Variants in ST7 observed in about 807,000 individuals in gnomAD.
The protein encoded by ST7 is suppressor of tumorigenicity 7 protein.
ST7 carries 28 observed loss-of-function variants against 78.7 expected under a neutral mutation model. That is an observed-to-expected ratio of 0.36 (90% confidence interval 0.26 to 0.49). ST7 has a LOEUF of 0.49. Ranked by LOEUF, ST7 falls within the 20% of genes least tolerant of loss-of-function variation. ST7 has a pLI of 0.99. For missense variants in ST7, 418 were observed against 696.0 expected (o/e 0.60, Z 4.49); for synonymous variants, 247 against 249.6 (o/e 0.99, Z 0.10).
At chr7:117,107,235 A>T (rs556888500) in intron 2 of ST7, among the ~76,000 whole-genome samples, 2 of 152,300 alleles carry the variant, frequency 1.3e-5, no homozygotes, top group South Asian at 4.1e-4. Context: ...ACATGCGTGT[A>T]CAAGTATCTT....
chr7:116,980,321 C>A (rs1383158213), intron 1 of ST7, among the ~76,000 whole-genome samples: 1 of 152,164 alleles, frequency 6.6e-6, no homozygotes, highest in Non-Finnish European at 1.5e-5. Flanking sequence ...GATGAGTCAT[C>A]TGCAAGTTAG....
chr7:117,205,714 C>T (rs1245692620), intron 12 of ST7, among the ~76,000 whole-genome samples: 1 of 152,212 alleles, frequency 6.6e-6, no homozygotes, highest in Non-Finnish European at 1.5e-5. Flanking sequence ...TGCTTCTCTT[C>T]ATATGCCCTG....
At chr7:116,988,391 A>G (rs577074024) in intron 1 of ST7, among the ~76,000 whole-genome samples, 214 of 152,272 alleles carry the variant, frequency 1.4e-3, no homozygotes, top group Non-Finnish European at 2.6e-3. Context: ...GCTTTCTTTC[A>G]TTAAACTGGT....
chr7:117,099,167 T>A (rs1343463123), intron 1 of ST7, among the ~76,000 whole-genome samples: 1 of 151,684 alleles, frequency 6.6e-6, no homozygotes, highest in Non-Finnish European at 1.5e-5. Flanking sequence ...CGATGACCAG[T>A]TTAAAAACCT....
chr7:117,201,998 A>T (rs1453768377), intron 12 of ST7, among the ~76,000 whole-genome samples: 6 of 73,170 alleles, frequency 8.2e-5, no homozygotes, highest in Non-Finnish European at 1.4e-4. Flanking sequence ...TCTCGCTCTG[A>T]CGCCCAGGCT....
intron 1 of ST7, among the ~76,000 whole-genome samples, chr7:117,019,060 T>C (rs534504228): frequency 2.6e-5 from 4 of 152,208 alleles, no homozygotes; most frequent in Non-Finnish European, 4.4e-5. Flanking sequence ...GGTTCCACTT[T>C]CATAGCAGAA....
chr7:117,147,239 A>C (rs1265960798), intron 9 of ST7, among the ~76,000 whole-genome samples: 1 of 152,026 alleles, frequency 6.6e-6, no homozygotes, highest in Non-Finnish European at 1.5e-5. Flanking sequence ...TAGTGAAGGA[A>C]CTCCAGGTTT....
chr7:117,179,554 G>A (rs997481260), intron 10 of ST7, among the ~76,000 whole-genome samples: 2 of 152,226 alleles, frequency 1.3e-5, no homozygotes, highest in African/African-American at 4.8e-5. Context: ...GGACAGCAAA[G>A]GTGCTTGAGG....
intron 1 of ST7, among the ~76,000 whole-genome samples, chr7:116,992,757 T>C (rs1227718843): frequency 6.6e-6 from 1 of 152,186 alleles, no homozygotes; most frequent in Non-Finnish European, 1.5e-5. Flanking sequence ...AGGTTGCAAA[T>C]TTTCTGAAGT....
At chr7:116,986,676 G>A (rs997088302) in intron 1 of ST7, among the ~76,000 whole-genome samples, 2 of 152,112 alleles carry the variant, frequency 1.3e-5, no homozygotes. Flanking sequence ...AGGTTTTGGC[G>A]GAAAGACTAG....
chr7:117,106,081 C>G (rs1275756018), intron 2 of ST7, among the ~76,000 whole-genome samples: 2 of 152,226 alleles, frequency 1.3e-5, no homozygotes, highest in Non-Finnish European at 2.9e-5. Flanking sequence ...TCACTGCAAG[C>G]TCCGCTTCCC....
intron 8 of ST7, chr7:117,136,712 C>T (rs1357167770): frequency 6.2e-6 from 1 of 160,866 alleles, no homozygotes; most frequent in Non-Finnish European, 1.3e-5. Flanking sequence ...ACATAAGAAA[C>T]ATTGGTATTG....
chr7:117,062,707 GTTAAA>G (rs1476354735), intron 1 of ST7, among the ~76,000 whole-genome samples: 2 of 152,164 alleles, frequency 1.3e-5, no homozygotes, highest in African/African-American at 4.8e-5. Context: ...TCATGGGTAA[GTTAAA>G]TTAAATGTAG....
chr7:117,033,913 C>T (rs1480453343), intron 1 of ST7, among the ~76,000 whole-genome samples: 3 of 152,054 alleles, frequency 2.0e-5, no homozygotes. Flanking sequence ...CATGGAGCTG[C>T]TATGAGGTCG....
At chr7:116,983,442 G>A (rs1794049870) in intron 1 of ST7, among the ~76,000 whole-genome samples, 1 of 152,014 alleles carries the variant, frequency 6.6e-6, no homozygotes. Flanking sequence ...TCACATGCTT[G>A]GGTTTTGAAA....
At chr7:117,127,162 G>C (rs1165322787) in intron 3 of ST7, among the ~76,000 whole-genome samples, 1 of 151,784 alleles carries the variant, frequency 6.6e-6, no homozygotes, top group East Asian at 1.9e-4. Flanking sequence ...TTCCTTTTTG[G>C]AGGTAAAATT....
At chr7:117,184,808 C>T (rs547653235) in intron 10 of ST7, among the ~76,000 whole-genome samples, 1 of 152,186 alleles carries the variant, frequency 6.6e-6, no homozygotes, top group Non-Finnish European at 1.5e-5. Flanking sequence ...CCTAATAGTA[C>T]TCTAGCAATG....
At chr7:117,207,557 A>G (rs760520436) in intron 12 of ST7, among the ~76,000 whole-genome samples, 30 of 152,234 alleles carry the variant, frequency 2.0e-4, no homozygotes, top group Non-Finnish European at 3.2e-4. Flanking sequence ...ATAGATGCTT[A>G]ATGAAATGTG....
intron 1 of ST7, among the ~76,000 whole-genome samples, chr7:116,973,277 A>G (rs929338352): frequency 6.6e-6 from 1 of 151,976 alleles, no homozygotes; most frequent in Non-Finnish European, 1.5e-5. Flanking sequence ...TGGTTAATTG[A>G]GACAAGCTCT....
Sources: allele counts gnomAD v4.1 joint callset (sites outside exome capture counted in the v4.1 genomes callset), GRCh38; gene constraint gnomAD v4.1.1; transcripts MANE v1.5; gene names NCBI Gene and HGNC (gene_info 2026-07-23, HGNC 2026-07-21).